The following GSTT4 variants were observed in gnomAD, a reference collection of about 807,000 sequenced individuals.
The protein encoded by GSTT4 is glutathione S-transferase theta 4.
At chr22:23,997,794 T>C (rs1233101867), downstream of GSTT4, among the ~76,000 whole-genome samples, 2 of 142,152 alleles carry the variant, frequency 1.4e-5, no homozygotes, top group Non-Finnish European at 3.1e-5. Context: ...CTTTAACTTA[T>C]GTGTTTACAG....
intron 2 of GSTT4, among the ~76,000 whole-genome samples, chr22:24,001,587 G>A (rs1473202672): frequency 2.0e-5 from 3 of 152,290 alleles, no homozygotes; most frequent in Admixed American, 1.3e-4. Flanking sequence ...GTTGAATTGG[G>A]ATGCTGAGGT....
In GSTT4 at chr22:24,003,257, G is replaced by A. The variant is rs149653468; in HGVS notation, c.200+503C>T. On this transcript the variant is annotated intron_variant, in intron 2 of 4. Coordinates refer to ENST00000621179, the MANE Select transcript of GSTT4 (RefSeq NM_001358664.2). ...GATGGGATCTCACTCTGTTGCCCAC[G>A]CTGAAGTGCAACGACGCAGTCTTGG... 1.9e-4 allele frequency among the ~76,000 whole-genome samples: 29 copies of A among 152,038 alleles called. No individual in the cohort carries two copies. In the East Asian group the frequency reaches 4.8e-3, roughly 25 times the overall value.
At chr22:23,997,499 A>T (rs541028289), downstream of GSTT4, among the ~76,000 whole-genome samples, 6 of 152,134 alleles carry the variant, frequency 3.9e-5, no homozygotes, top group Non-Finnish European at 7.4e-5. Flanking sequence ...CTGGGATTGC[A>T]GGTGTGAGCC....
intron 2 of GSTT4, among the ~76,000 whole-genome samples, chr22:24,001,590 G>A (rs1191058075): frequency 6.6e-6 from 1 of 152,280 alleles, no homozygotes; most frequent in East Asian, 1.9e-4. Context: ...GAATTGGGAT[G>A]CTGAGGTGGG....
chr22:23,999,027 C>T (rs1238814425), intron 4 of GSTT4, among the ~76,000 whole-genome samples: 1 of 152,246 alleles, frequency 6.6e-6, no homozygotes, highest in African/African-American at 2.4e-5. Flanking sequence ...AGCCTGCGAC[C>T]TCGCATGAAT....
chr22:24,002,011 C>A (rs1394212689), intron 2 of GSTT4, among the ~76,000 whole-genome samples: 1 of 152,134 alleles, frequency 6.6e-6, no homozygotes, highest in African/African-American at 2.4e-5. Context: ...CAAAGAAAAA[C>A]ACATGCTGAA....
intron 4 of GSTT4, among the ~76,000 whole-genome samples, chr22:23,999,653 C>T (rs1175452230): frequency 3.1e-5 from 4 of 130,734 alleles, no homozygotes; most frequent in East Asian, 4.6e-4. Context: ...GACCCAGCCA[C>T]GAGAGCTGTC....
chr22:24,002,840 A>AC (rs1247820783), intron 2 of GSTT4, among the ~76,000 whole-genome samples: 3 of 152,140 alleles, frequency 2.0e-5, no homozygotes, highest in Non-Finnish European at 4.4e-5. Context: ...CAAAAAAAAA[A>AC]AAAAAAAAAA....
intron 3 of GSTT4, among the ~76,000 whole-genome samples, chr22:24,000,781 G>T: frequency 7.9e-6 from 1 of 126,720 alleles, no homozygotes; most frequent in African/African-American, 3.6e-5. Flanking sequence ...GGTAGGTCTT[G>T]AACTCCTGAC....
At chr22:23,994,864 CT>C, downstream of GSTT4, among the ~76,000 whole-genome samples, 1 of 152,184 alleles carries the variant, frequency 6.6e-6, no homozygotes, top group South Asian at 2.1e-4. Flanking sequence ...ATATGCTACC[CT>C]TCCCCTTGAA....
downstream of GSTT4, among the ~76,000 whole-genome samples, chr22:23,994,937 G>A (rs954975450): frequency 6.6e-6 from 1 of 152,078 alleles, no homozygotes; most frequent in East Asian, 1.9e-4. Context: ...TGGTTGTGAG[G>A]ATTAAACAAG....
chr22:23,991,784 G>A, the GSTT4 span, among the ~76,000 whole-genome samples: 1 of 141,628 alleles, frequency 7.1e-6, no homozygotes, highest in Non-Finnish European at 1.6e-5. Flanking sequence ...GCTGGGCGCG[G>A]TGGCTCACGC....
intron 2 of GSTT4, among the ~76,000 whole-genome samples, chr22:24,002,748 G>A (rs1206519366): frequency 3.6e-5 from 3 of 83,516 alleles, no homozygotes; most frequent in Non-Finnish European, 8.4e-5. Context: ...GGAGAATGGC[G>A]TGAACCCGGG....
At chr22:23,992,877 C>T in the GSTT4 span, among the ~76,000 whole-genome samples, 1 of 151,546 alleles carries the variant, frequency 6.6e-6, no homozygotes, top group South Asian at 2.1e-4. Flanking sequence ...TGGGCTCAAA[C>T]AATCCTTCTG....
chr22:23,992,802 G>T, the GSTT4 span, among the ~76,000 whole-genome samples: 115 of 129,700 alleles, frequency 8.9e-4, 2 homozygotes, highest in African/African-American at 3.4e-3. Flanking sequence ...TCGAGACAGG[G>T]TCTTGCTGTT....
the GSTT4 span, among the ~76,000 whole-genome samples, chr22:23,990,013 G>T: frequency 4.0e-5 from 6 of 150,708 alleles, no homozygotes; most frequent in South Asian, 2.2e-4. Context: ...AGTCAGCTGA[G>T]CAGGGTCCTC....
chr22:23,995,195 C>T (rs1660421399), downstream of GSTT4, among the ~76,000 whole-genome samples: 3 of 151,446 alleles, frequency 2.0e-5, no homozygotes, highest in Non-Finnish European at 2.9e-5. Flanking sequence ...TACAGTGGTG[C>T]GATCTTGGCT....
At chr22:23,996,338 T>C (rs1044764792), downstream of GSTT4, among the ~76,000 whole-genome samples, 1 of 152,158 alleles carries the variant, frequency 6.6e-6, no homozygotes, top group African/African-American at 2.4e-5. Flanking sequence ...TTCTTTCTGA[T>C]CTAGATTCCA....
the GSTT4 span, among the ~76,000 whole-genome samples, chr22:23,990,444 T>TCC: frequency 8.8e-4 from 20 of 22,840 alleles, no homozygotes; most frequent in African/African-American, 2.9e-3. Context: ...ATCACGCGTC[T>TCC]ACACACACCA....
Sources: gnomAD v4.1 joint callset for allele counts (sites outside exome capture counted in the v4.1 genomes callset) on GRCh38, gnomAD v4.1.1 for gene constraint, MANE v1.5 for transcripts, NCBI Gene and HGNC (gene_info 2026-07-23, HGNC 2026-07-21) for gene names.